Variants in NMNAT2 observed in about 807,000 individuals in gnomAD.
The protein encoded by NMNAT2 is nicotinamide/nicotinic acid mononucleotide adenylyltransferase 2.
In NMNAT2, 11 loss-of-function variants were observed where a neutral mutation model predicts 41.6. The ratio of observed to expected loss-of-function variants is 0.26; its 90% CI spans 0.17 to 0.44. NMNAT2 has a LOEUF of 0.44. Among genes scored for constraint, NMNAT2 ranks in the 20% least tolerant of loss-of-function variants. NMNAT2 has a pLI of 1.00. For synonymous variants in NMNAT2, 148 were observed against 151.2 expected (o/e 0.98, Z 0.16); for missense variants, 288 against 407.7 (o/e 0.71, Z 2.53).
At chr1:183,317,927 G>C (rs1039993191) in intron 1 of NMNAT2, among the ~76,000 whole-genome samples, 2 of 152,196 alleles carry the variant, frequency 1.3e-5, no homozygotes, top group Non-Finnish European at 2.9e-5. Context: ...CTGAGCACTA[G>C]AGTCACAGGT....
chr1:183,341,748 C>CAAAAAAAAAAAAAAAAAA (rs369432128), intron 1 of NMNAT2, among the ~76,000 whole-genome samples: 5 of 79,794 alleles, frequency 6.3e-5, no homozygotes, highest in South Asian at 5.2e-4. Flanking sequence ...AAAAAAAAAA[C>CAAAAAAAAAAAAAAAAAA]CTGTTTCCTT....
chr1:183,314,947 A>G (rs746800343), intron 1 of NMNAT2, among the ~76,000 whole-genome samples: 69 of 152,324 alleles, frequency 4.5e-4, no homozygotes, highest in South Asian at 8.3e-4. Flanking sequence ...TCCCAGCCTA[A>G]AGGTAAATTG....
At chr1:183,342,553 T>G (rs370020884) in intron 1 of NMNAT2, among the ~76,000 whole-genome samples, 1 of 152,148 alleles carries the variant, frequency 6.6e-6, no homozygotes, top group East Asian at 1.9e-4. Flanking sequence ...TCCTCCACTC[T>G]CCACTTACTC....
chr1:183,304,684 A>G lies in NMNAT2; in HGVS notation c.86-10891T>C, dbSNP rs201916849. On this transcript the variant is annotated intron_variant, in intron 1 of 10. Coordinates refer to ENST00000287713, the MANE Select transcript of NMNAT2 (RefSeq NM_015039.4). The stretch of plus-strand genomic sequence containing the variant: ...TCTGAACTCACCTGAGAGAGTAACA[A>G]ACACTTCCCAGAGCCCCTGGCAGGC... The G allele has an allele frequency of 4.3e-6, 7 of 1,614,002 alleles. No individual in the cohort carries two copies. The South Asian group carries it at 7.7e-5, about 18-fold the overall frequency.
intron 4 of NMNAT2, among the ~76,000 whole-genome samples, chr1:183,289,770 T>A (rs1334598921): frequency 6.6e-6 from 1 of 152,144 alleles, no homozygotes; most frequent in Non-Finnish European, 1.5e-5. Context: ...ATTGTCCAGT[T>A]TCCTCCTCCC....
chr1:183,277,512 CAAAAA>C (rs759856572), intron 8 of NMNAT2, among the ~76,000 whole-genome samples: 2 of 47,712 alleles, frequency 4.2e-5, no homozygotes, highest in Admixed American at 2.3e-4. Context: ...GACTCCGTCT[CAAAAA>C]AAAAAAAAAA....
intron 1 of NMNAT2, among the ~76,000 whole-genome samples, chr1:183,323,437 C>T (rs1467941124): frequency 1.3e-5 from 2 of 152,210 alleles, no homozygotes; most frequent in African/African-American, 4.8e-5. Context: ...CACCACCATA[C>T]TTCAAGTGAC....
intron 1 of NMNAT2, among the ~76,000 whole-genome samples, chr1:183,394,443 A>T (rs915033705): frequency 1.3e-5 from 2 of 152,240 alleles, no homozygotes; most frequent in Non-Finnish European, 2.9e-5. Context: ...GAAAGTATCC[A>T]ATAAGCAAAT....
chr1:183,370,287 G>T (rs1158619132), intron 1 of NMNAT2, among the ~76,000 whole-genome samples: 1 of 147,418 alleles, frequency 6.8e-6, no homozygotes, highest in Non-Finnish European at 1.5e-5. Context: ...GGCTGCAGTG[G>T]CAAGAATTTG....
intron 6 of NMNAT2, among the ~76,000 whole-genome samples, chr1:183,284,303 C>T (rs1661344830): frequency 6.6e-6 from 1 of 152,232 alleles, no homozygotes; most frequent in Non-Finnish European, 1.5e-5. Context: ...CAATGCCGAA[C>T]ACACACACGC....
chr1:183,360,371 C>T (rs1456872178), intron 1 of NMNAT2, among the ~76,000 whole-genome samples: 1 of 152,064 alleles, frequency 6.6e-6, no homozygotes, highest in East Asian at 1.9e-4. Flanking sequence ...CTCGAGACAG[C>T]TTGTCATTCC....
At chr1:183,367,458 CAAGT>C (rs1215060905) in intron 1 of NMNAT2, among the ~76,000 whole-genome samples, 1 of 151,974 alleles carries the variant, frequency 6.6e-6, no homozygotes, top group Non-Finnish European at 1.5e-5. Context: ...AACTCTGTCT[CAAGT>C]AAATAAATAA....
At chr1:183,328,858 T>C (rs1315728462) in intron 1 of NMNAT2, among the ~76,000 whole-genome samples, 1 of 152,144 alleles carries the variant, frequency 6.6e-6, no homozygotes, top group East Asian at 1.9e-4. Flanking sequence ...TAAAAGCCAA[T>C]AGAAATCCTT....
intron 1 of NMNAT2, among the ~76,000 whole-genome samples, chr1:183,361,834 T>C (rs546863862): frequency 7.2e-5 from 11 of 152,330 alleles, no homozygotes; most frequent in African/African-American, 2.4e-4. Context: ...AGATCCTAAA[T>C]CTTGGTGGCA....
intron 1 of NMNAT2, among the ~76,000 whole-genome samples, chr1:183,343,782 C>G (rs1662868010): frequency 6.6e-6 from 1 of 152,152 alleles, no homozygotes; most frequent in African/African-American, 2.4e-5. Context: ...CTTGTCACTA[C>G]TCCTTTTAAA....
intron 1 of NMNAT2, among the ~76,000 whole-genome samples, chr1:183,348,284 G>T (rs954565493): frequency 2.0e-5 from 3 of 152,164 alleles, no homozygotes; most frequent in African/African-American, 7.2e-5. Flanking sequence ...GTGCGTGCAC[G>T]TGTCCACAAG....
chr1:183,308,579 C>T (rs74962299), intron 1 of NMNAT2, among the ~76,000 whole-genome samples: 2,340 of 152,202 alleles, frequency 0.015, 53 homozygotes, highest in African/African-American at 0.051. Context: ...AATGTTGGTA[C>T]GTCCATTTGA....
At chr1:183,354,937 T>G (rs1663149829) in intron 1 of NMNAT2, among the ~76,000 whole-genome samples, 1 of 152,166 alleles carries the variant, frequency 6.6e-6, no homozygotes, top group Non-Finnish European at 1.5e-5. Context: ...AGTAATAAGT[T>G]AAATTTTCGA....
chr1:183,405,197 G>A (rs2101928783), intron 1 of NMNAT2, among the ~76,000 whole-genome samples: 1 of 152,216 alleles, frequency 6.6e-6, no homozygotes, highest in South Asian at 2.1e-4. Flanking sequence ...TCCAGCTTGG[G>A]TGACAGAGCA....
Sources: allele counts gnomAD v4.1 joint callset (sites outside exome capture counted in the v4.1 genomes callset), GRCh38; gene constraint gnomAD v4.1.1; transcripts MANE v1.5; gene names NCBI Gene and HGNC (gene_info 2026-07-23, HGNC 2026-07-21).